CDKL5: variants seen among roughly 807,000 people sequenced by gnomAD.
The protein encoded by CDKL5 is cyclin dependent kinase like 5, also known as cyclin-dependent kinase-like 5.
A neutral mutation model predicts 61.7 loss-of-function variants in CDKL5; 8 were observed. The observed-to-expected ratio is 0.13, with a 90% confidence interval of 0.08 to 0.23. The LOEUF (loss-of-function observed/expected upper bound fraction) is 0.23, where lower values mean the gene tolerates loss of function less well. CDKL5 is among the 10% of genes least tolerant of loss of function. The pLI is 1.00. For synonymous variants in CDKL5, 275 were observed against 272.3 expected, an observed-to-expected ratio of 1.01 and a Z score of -0.10; for missense variants, 440 against 734.5, an observed-to-expected ratio of 0.60 and a Z score of 4.63.
At chrX:18,543,635 G>T (rs1454106271) in intron 3 of CDKL5, among the ~76,000 whole-genome samples, 1 of 111,540 alleles carries the variant, frequency 9.0e-6, no homozygotes, top group Non-Finnish European at 1.9e-5. Flanking sequence ...AATATTTAAA[G>T]AATAAACAAT....
rs1243044290 is a variant in CDKL5, at chrX:18,629,904, A to G, written c.*1147A>G. On this transcript the variant is annotated 3_prime_UTR_variant, in exon 18 of 18. Coordinates refer to ENST00000623535, the MANE Select transcript of CDKL5 (RefSeq NM_001323289.2). The stretch of plus-strand genomic sequence containing the variant: ...GTAGAGCGTAGACCAAAGATTTGCC[A>G]GTGAACATTCCTTGTTGTGAGATCA... 1.3e-6 allele frequency: 1 copy of G among 751,495 alleles called. No individual in the cohort carries two copies. Among genetic ancestry groups the G allele is most frequent in the Admixed American group, 8.9e-5 (1 of 11,278 alleles). The allele number at this position is 751,495 out of a possible 1,213,427, so 61.9% of individuals were successfully genotyped here.
exon 21 of CDKL5, chrX:18,650,450 T>C: frequency 3.3e-6 from 4 of 1,211,823 alleles, no homozygotes; most frequent in Non-Finnish European, 4.5e-6. Context: ...AGCCTCACAC[T>C]CCGTGCGTCC....
chrX:18,646,751 T>TG (rs1927789407), intron 20 of CDKL5, among the ~76,000 whole-genome samples: 2 of 111,017 alleles, frequency 1.8e-5, no homozygotes, highest in African/African-American at 6.6e-5. Context: ...GCACCTGCTG[T>TG]ACCCCACGCC....
At chrX:18,494,490 C>T (rs915821711) in intron 1 of CDKL5, among the ~76,000 whole-genome samples, 1 of 111,791 alleles carries the variant, frequency 8.9e-6, no homozygotes, top group Non-Finnish European at 1.9e-5. Context: ...AATGCCTGAC[C>T]TCAGGTGATC....
At chrX:18,492,414 T>A (rs1602223329) in intron 1 of CDKL5, among the ~76,000 whole-genome samples, 1 of 111,720 alleles carries the variant, frequency 9.0e-6, no homozygotes, top group African/African-American at 3.3e-5. Flanking sequence ...AGGTTTTCAT[T>A]TCTATTTTTC....
In CDKL5 at chrX:18,625,698, T is replaced by A. The variant is rs144118846; in HGVS notation, c.2496+451T>A. Among the ~76,000 whole-genome samples the A allele has an allele frequency of 6.5e-3, 725 of 112,043 alleles. 8 individuals are homozygous for A. Among genetic ancestry groups the A allele is most frequent in the African/African-American group, 0.022 (677 of 30,865 alleles). ...AGTTTTCTTGAAAGAATATTTCAACTCCTGAAATCCATACTGTTTTTGACA... is the reference window on the plus strand; with the variant it reads ...AGTTTTCTTGAAAGAATATTTCAACACCTGAAATCCATACTGTTTTTGACA... On this transcript the variant is annotated intron_variant, in intron 17 of 17. Coordinates refer to ENST00000623535, the MANE Select transcript of CDKL5 (RefSeq NM_001323289.2).
chrX:18,466,235 C>T (rs1459895650), intron 1 of CDKL5, among the ~76,000 whole-genome samples: 3 of 111,754 alleles, frequency 2.7e-5, no homozygotes, highest in African/African-American at 6.5e-5. Flanking sequence ...ATAAAAACTA[C>T]ACCCCATTCT....
intron 1 of CDKL5, among the ~76,000 whole-genome samples, chrX:18,504,932 CAAAAA>C (rs1287470678): frequency 7.3e-5 from 3 of 41,233 alleles, no homozygotes; most frequent in Admixed American, 2.9e-4. Context: ...AACTCCGTCT[CAAAAA>C]AAAAAAAAAA....
Position 18,633,437 on chromosome X carries a change from C to G in CDKL5, c.*4680C>G. 1.3e-6 allele frequency: 1 copy of G among 754,217 alleles called. No individual in the cohort carries two copies. The highest frequency in any genetic ancestry group is 6.7e-5 in the South Asian group (1 of 14,868). 62.2% of individuals were successfully genotyped at this position (754,217 alleles called of 1,213,427 possible). A position where few individuals can be genotyped will look rare whatever the true frequency, so the allele number is the denominator to read the frequency against. On this transcript the variant is annotated 3_prime_UTR_variant, in exon 18 of 18. Coordinates refer to ENST00000623535, the MANE Select transcript of CDKL5 (RefSeq NM_001323289.2). Reference sequence around the variant, plus strand: ...CAGGGCCAGAATCTCACAAGAAGATCCTCTCAAAGACTTAAAAGCCTGGCT... The same window carrying G: ...CAGGGCCAGAATCTCACAAGAAGATGCTCTCAAAGACTTAAAAGCCTGGCT...
At position 18,639,279 on chromosome X, in the gene CDKL5, A is replaced by T. The variant is rs1602306794; in HGVS notation, c.*10522A>T. ...ATGGGAGAAAATATTTGCAAATCATATCCAATAAGGGAATTAGAATATACA... is the reference window on the plus strand; with the variant it reads ...ATGGGAGAAAATATTTGCAAATCATTTCCAATAAGGGAATTAGAATATACA... On this transcript the variant is annotated 3_prime_UTR_variant, in exon 18 of 18. Coordinates refer to ENST00000623535, the MANE Select transcript of CDKL5 (RefSeq NM_001323289.2). 8.9e-6 allele frequency among the ~76,000 whole-genome samples: 1 copy of T among 112,638 alleles called. No individual in the cohort carries two copies. Among genetic ancestry groups the T allele is most frequent in the Admixed American group, 9.4e-5 (1 of 10,647 alleles).
intron 3 of CDKL5, among the ~76,000 whole-genome samples, chrX:18,525,994 G>T (rs1049709986): frequency 5.4e-5 from 6 of 110,673 alleles, no homozygotes; most frequent in Non-Finnish European, 9.5e-5. Flanking sequence ...TGATCCACCC[G>T]CCTGGGCCTC....
At position 18,555,046 on chromosome X, in the gene CDKL5, A is replaced by T. The variant is rs139585735; in HGVS notation, c.100-9431A>T. On this transcript the variant is annotated intron_variant, in intron 3 of 17. Coordinates refer to ENST00000623535, the MANE Select transcript of CDKL5 (RefSeq NM_001323289.2). ...TGGCATTCTCACATTTTTAAGGGGG[A>T]ATGTTTGTACGGAAATACCACAAAA... Among the ~76,000 whole-genome samples the T allele has an allele frequency of 4.9e-3, 539 of 111,095 alleles. 1 individual carries two copies. The highest frequency in any genetic ancestry group is 7.5e-3 in the Non-Finnish European group (398 of 53,065).
chrX:18,584,423 C>T, intron 8 of CDKL5, 70 bp downstream of exon 8: 1 of 717,432 alleles, frequency 1.4e-6, no homozygotes, highest in Non-Finnish European at 2.2e-6. Flanking sequence ...GCTTTGAGTT[C>T]ATCTATGGAA....
At chrX:18,518,385 CTTA>C (rs1923108490) in intron 3 of CDKL5, among the ~76,000 whole-genome samples, 22 of 22,777 alleles carry the variant, frequency 9.7e-4, no homozygotes, top group African/African-American at 3.0e-3. Context: ...CTTTTCTTTT[CTTA>C]TTTTTTTTTT....
intron 3 of CDKL5, chrX:18,535,721 G>A: frequency 6.4e-6 from 1 of 157,453 alleles, no homozygotes; most frequent in South Asian, 1.5e-4. Context: ...TGTCCTTGGT[G>A]TCTCTTGCCT....
Position 18,633,154 on chromosome X carries a change from AC to A in CDKL5, c.*4399del, listed in dbSNP as rs1927281498. 1.3e-5 allele frequency: 10 copies of A among 753,754 alleles called. No individual in the cohort carries two copies. The South Asian group carries it at 5.4e-4, about 41-fold the overall frequency. 62.1% of individuals were successfully genotyped at this position (753,754 alleles called of 1,213,427 possible). ...TTGCTTTTCTATCTAGAAGTTCGTT[AC>A]CTCCTGCATGATAGTGGGATATTGA... On this transcript the variant is annotated 3_prime_UTR_variant, in exon 18 of 18. Coordinates refer to ENST00000623535, the MANE Select transcript of CDKL5 (RefSeq NM_001323289.2).
intron 1 of CDKL5, among the ~76,000 whole-genome samples, chrX:18,488,471 C>G (rs911592503): frequency 4.5e-5 from 5 of 111,358 alleles, no homozygotes; most frequent in Admixed American, 1.9e-4. Flanking sequence ...TGGGTGACTC[C>G]TGGCAGAACC....
chrX:18,457,807 G>A (rs1398870630), intron 1 of CDKL5, among the ~76,000 whole-genome samples: 1 of 107,195 alleles, frequency 9.3e-6, no homozygotes, highest in Admixed American at 1.0e-4. Context: ...ATAGAGATGG[G>A]GTTTCACCAT....
At chrX:18,443,884 G>A (rs1931810260) in intron 1 of CDKL5, 1 of 112,014 alleles carries the variant, frequency 8.9e-6, no homozygotes, top group Non-Finnish European at 1.9e-5. Context: ...GATTACAGGT[G>A]TGAACCACTG....
Sources: allele counts gnomAD v4.1 joint callset (sites outside exome capture counted in the v4.1 genomes callset), GRCh38; gene constraint gnomAD v4.1.1; transcripts MANE v1.5; gene names NCBI Gene and HGNC (gene_info 2026-07-23, HGNC 2026-07-21).